The following CPNE3 variants were observed in gnomAD, a reference collection of about 807,000 sequenced individuals.
CPNE3 encodes copine 3, also known as copine-3.
Under a neutral mutation model 63.9 loss-of-function variants are expected in CPNE3, and 68 were observed. The observed-to-expected ratio is 1.06, with a 90% CI of 0.87 to 1.30. The LOEUF (loss-of-function observed/expected upper bound fraction) is 1.30, where lower values mean the gene tolerates loss of function less well. Among genes scored for constraint, CPNE3 ranks in the 50% most tolerant of loss-of-function variants. The pLI is 0.00. For synonymous variants in CPNE3, 219 were observed against 197.5 expected (o/e 1.11, Z -0.91); for missense variants, 665 against 578.1 (o/e 1.15, Z -1.54).
intron 8 of CPNE3, among the ~76,000 whole-genome samples, chr8:86,543,457 A>C (rs967207691): frequency 1.3e-5 from 2 of 152,186 alleles, no homozygotes; most frequent in African/African-American, 4.8e-5. Flanking sequence ...AAACATAAAA[A>C]ATCCTGAGTA....
At chr8:86,554,353 C>T (rs1821263665) in intron 14 of CPNE3, among the ~76,000 whole-genome samples, 1 of 152,144 alleles carries the variant, frequency 6.6e-6, no homozygotes, top group Non-Finnish European at 1.5e-5. Flanking sequence ...CAATGATTAA[C>T]CTTTAACTTA....
At chr8:86,549,271 T>G (rs1490240516) in intron 12 of CPNE3, among the ~76,000 whole-genome samples, 1 of 152,204 alleles carries the variant, frequency 6.6e-6, no homozygotes, top group African/African-American at 2.4e-5. Context: ...CTAGTAAGTT[T>G]TAAGGTAAAA....
chr8:86,546,829 GC>G (rs1270967936), intron 10 of CPNE3, 148 bp downstream of exon 10: 1 of 789,076 alleles, frequency 1.3e-6, no homozygotes, highest in African/African-American at 1.9e-5. Context: ...CTCTGCCTCA[GC>G]CTCCCAGGTA....
chr8:86,550,982 G>C (rs1821160456), intron 12 of CPNE3, 64 bp from the exon 13 acceptor site: 1 of 1,452,750 alleles, frequency 6.9e-7, no homozygotes, highest in Non-Finnish European at 9.2e-7. Context: ...TTTTATTGTG[G>C]GCAAAGATAA....
Position 86,556,204 on chromosome 8 carries a change from A to G in CPNE3, c.1357A>G (p.Ile453Val). Residue 453 changes from isoleucine (I) to valine (V), a missense_variant, in exon 16 of 17, where the codon ATT becomes GTT. Coordinates refer to ENST00000517490, the MANE Select transcript of CPNE3 (RefSeq NM_003909.5). ...CTCCAGGCTGCCTATGTCCATCATAATTGTTGGAGTTGGAGGTGCTGACTT... is the reference window on the plus strand; with the variant it reads ...CTCCAGGCTGCCTATGTCCATCATAGTTGTTGGAGTTGGAGGTGCTGACTT... Reference protein sequence around the residue: ...NASRLPMSIIIVGVGGADFSA... With the variant: ...NASRLPMSIIVVGVGGADFSA... 1 of 873,046 alleles carries G rather than the reference A, an allele frequency of 1.1e-6. No individual in the cohort carries two copies. Among genetic ancestry groups the G allele is most frequent in the Non-Finnish European group, 2.0e-6 (1 of 501,690 alleles). 54.1% of individuals were successfully genotyped at this position (873,046 alleles called of 1,614,324 possible).
In CPNE3 at chr8:86,559,080, AG is replaced by A. The variant is rs1255944169; in HGVS notation, c.*671del. The A allele has an allele frequency of 2.0e-5, 3 of 152,186 alleles. No homozygotes were observed. Among genetic ancestry groups the A allele is most frequent in the Non-Finnish European group, 4.4e-5 (3 of 68,028 alleles). The allele number at this position is 152,186 out of a possible 1,614,324, so 9.4% of individuals were successfully genotyped here. ...AAGTAAAAATAACCTCATGTAAGTA[AG>A]CCATTTTTATTTGCCTTTCTAGATA... On this transcript the variant is annotated 3_prime_UTR_variant, in exon 17 of 17. Transcript: ENST00000517490.
At chr8:86,520,592 G>A (rs1218475695) in intron 2 of CPNE3, among the ~76,000 whole-genome samples, 1 of 150,922 alleles carries the variant, frequency 6.6e-6, no homozygotes, top group Non-Finnish European at 1.5e-5. Flanking sequence ...AAAACCTGAA[G>A]CCTGGAGAAG....
chr8:86,520,330 C>T (rs1026662281), intron 2 of CPNE3, among the ~76,000 whole-genome samples: 54 of 151,988 alleles, frequency 3.6e-4, no homozygotes, highest in African/African-American at 1.0e-3. Context: ...AGATTACAGG[C>T]GGATTACCTG....
At chr8:86,522,048 A>G (rs1820444599) in intron 2 of CPNE3, among the ~76,000 whole-genome samples, 3 of 152,148 alleles carry the variant, frequency 2.0e-5, no homozygotes, top group Non-Finnish European at 4.4e-5. Context: ...TCTACTCCCC[A>G]CTTTCTTACT....
chr8:86,561,269 A>G lies in CPNE3; in HGVS notation c.*2859A>G, dbSNP rs1821435229. On this transcript the variant is annotated 3_prime_UTR_variant, in exon 17 of 17. Transcript: ENST00000517490. Reference sequence around the variant, plus strand: ...GAAATGACACATAAAGTACGCCAGAAGTTTGATGGAACGTGTTAGAAACTG... The same window carrying G: ...GAAATGACACATAAAGTACGCCAGAGGTTTGATGGAACGTGTTAGAAACTG... 1 of 152,348 alleles carries G rather than the reference A, an allele frequency of 6.6e-6. No individual in the cohort carries two copies. Among genetic ancestry groups the G allele is most frequent in the Non-Finnish European group, 1.5e-5 (1 of 68,046 alleles). 9.4% of individuals were successfully genotyped at this position (152,348 alleles called of 1,614,324 possible). A position where few individuals can be genotyped will look rare whatever the true frequency, so the allele number is the denominator to read the frequency against.
intron 2 of CPNE3, among the ~76,000 whole-genome samples, chr8:86,525,635 GA>G (rs1432874346): frequency 2.0e-5 from 3 of 152,158 alleles, no homozygotes; most frequent in East Asian, 3.9e-4. Context: ...CATTTTTAGG[GA>G]AAAAAATAAT....
intron 16 of CPNE3, among the ~76,000 whole-genome samples, chr8:86,557,942 A>G (rs1048391204): frequency 2.0e-5 from 3 of 152,172 alleles, no homozygotes; most frequent in African/African-American, 7.2e-5. Flanking sequence ...GCAACTTCCT[A>G]TGAATCTATA....
In CPNE3 at chr8:86,559,169, G is replaced by A. The variant is rs1168960166; in HGVS notation, c.*759G>A. On this transcript the variant is annotated 3_prime_UTR_variant, in exon 17 of 17. Coordinates refer to ENST00000517490, the MANE Select transcript of CPNE3 (RefSeq NM_003909.5). Reference sequence around the variant, plus strand: ...TTTGGCTTTTTTTTTCATTAACTGAGCAAGACTTTCAGGATATTGTAGATG... The same window carrying A: ...TTTGGCTTTTTTTTTCATTAACTGAACAAGACTTTCAGGATATTGTAGATG... 1 of 151,814 alleles carries A rather than the reference G, an allele frequency of 6.6e-6. No homozygotes were observed. The highest frequency in any genetic ancestry group is 1.5e-5 in the Non-Finnish European group (1 of 67,998). The allele number at this position is 151,814 out of a possible 1,614,324, so 9.4% of individuals were successfully genotyped here. A position where few individuals can be genotyped will look rare whatever the true frequency, so the allele number is the denominator to read the frequency against.
chr8:86,528,678 G>A lies in CPNE3; in HGVS notation c.132+1G>A. 2 of 1,607,126 alleles carry A rather than the reference G, an allele frequency of 1.2e-6. No individual in the cohort carries two copies. The highest frequency in any genetic ancestry group is 2.2e-5 in the East Asian group (1 of 44,834). ...TACAAGTGGTCAACAGTGGTATGAG[G>A]TAATGTCAAATACTTTACCTAAAAA... On this transcript the variant is annotated splice_donor_variant, in intron 3 of 16. Coordinates refer to ENST00000517490, the MANE Select transcript of CPNE3 (RefSeq NM_003909.5). LOFTEE classifies it high-confidence loss of function.
intron 4 of CPNE3, among the ~76,000 whole-genome samples, chr8:86,529,500 A>G (rs1563688615): frequency 1.3e-5 from 2 of 151,966 alleles, no homozygotes; most frequent in Non-Finnish European, 2.9e-5. Flanking sequence ...GCACCTGCTG[A>G]CTCGCAATGC....
chr8:86,539,415 A>G (rs1467036345), intron 7 of CPNE3, among the ~76,000 whole-genome samples: 1 of 152,212 alleles, frequency 6.6e-6, no homozygotes, highest in Non-Finnish European at 1.5e-5. Context: ...GCTCATTGCT[A>G]CTGGATATCA....
chr8:86,521,851 A>G (rs972840770), intron 2 of CPNE3: 1 of 152,208 alleles, frequency 6.6e-6, no homozygotes, highest in Admixed American at 6.5e-5. Context: ...AGTGCCTTAT[A>G]TTATAGTCAT....
chr8:86,521,920 GT>G (rs373177148), intron 2 of CPNE3, among the ~76,000 whole-genome samples: 6 of 152,068 alleles, frequency 3.9e-5, no homozygotes, highest in African/African-American at 1.4e-4. Context: ...AACTCACAGA[GT>G]TTTTGTAAGG....
At position 86,555,357 on chromosome 8, in the gene CPNE3, G is replaced by A. The variant is rs539469672; in HGVS notation, c.1254+373G>A. 9.0e-4 allele frequency among the ~76,000 whole-genome samples: 137 copies of A among 152,276 alleles called. 1 individual carries two copies. Among genetic ancestry groups the A allele is most frequent in the African/African-American group, 3.2e-3 (133 of 41,540 alleles). On this transcript the variant is annotated intron_variant, in intron 15 of 16. Coordinates refer to ENST00000517490, the MANE Select transcript of CPNE3 (RefSeq NM_003909.5). ...TATTGTACTAAAGATATTTGAATGA[G>A]GTAACCATTACCTATTGGACCGTGG...
Sources: allele counts gnomAD v4.1 joint callset (sites outside exome capture counted in the v4.1 genomes callset), GRCh38; gene constraint gnomAD v4.1.1; transcripts MANE v1.5; gene names NCBI Gene and HGNC (gene_info 2026-07-23, HGNC 2026-07-21).